Variants in ANKRD10 observed in about 807,000 individuals in gnomAD.
ANKRD10 encodes ankyrin repeat domain 10, also known as ankyrin repeat domain-containing protein 10.
ANKRD10 carries 14 observed loss-of-function variants against 27.0 expected under a neutral mutation model. The ratio of observed to expected loss-of-function variants is 0.52; its 90% CI spans 0.34 to 0.81. The LOEUF (loss-of-function observed/expected upper bound fraction) is 0.81, where lower values mean the gene tolerates loss of function less well. Among genes scored for constraint, ANKRD10 ranks in the 40% least tolerant of loss-of-function variants. The pLI, the probability that ANKRD10 is intolerant of heterozygous loss-of-function variation, is 0.01. For synonymous variants in ANKRD10, 250 were observed against 224.5 expected (o/e 1.11, Z -1.01); for missense variants, 493 against 544.0 (o/e 0.91, Z 0.93).
At chr13:110,888,053 C>T (rs1266627939) in intron 4 of ANKRD10, among the ~76,000 whole-genome samples, 1 of 152,110 alleles carries the variant, frequency 6.6e-6, no homozygotes, top group Non-Finnish European at 1.5e-5. Flanking sequence ...ATGAGGTGAC[C>T]TTTCGCGGGA....
chr13:110,879,108 C>G lies in ANKRD10; in HGVS notation c.*529G>C, dbSNP rs528392487. The G allele has an allele frequency of 2.5e-5, 4 of 160,772 alleles. No individual in the cohort carries two copies. Among genetic ancestry groups the G allele is most frequent in the Non-Finnish European group, 5.5e-5 (4 of 72,130 alleles). 10.0% of individuals were successfully genotyped at this position (160,772 alleles called of 1,614,324 possible). A position where few individuals can be genotyped will look rare whatever the true frequency, so the allele number is the denominator to read the frequency against. On this transcript the variant is annotated 3_prime_UTR_variant, in exon 6 of 6. Coordinates refer to ENST00000267339, the MANE Select transcript of ANKRD10 (RefSeq NM_017664.4). ...CTAAAACCTTCAACCACATGGTGATCTGCAAAGCTTCATTGAAAAAGACAA... is the reference window on the plus strand; with the variant it reads ...CTAAAACCTTCAACCACATGGTGATGTGCAAAGCTTCATTGAAAAAGACAA...
Position 110,914,807 on chromosome 13 carries a change from T to G in ANKRD10, c.128A>C (p.Gln43Pro), listed in dbSNP as rs1158682787. The G allele has an allele frequency of 6.3e-7, 1 of 1,593,490 alleles. No individual in the cohort carries two copies. Among genetic ancestry groups the G allele is most frequent in the Non-Finnish European group, 8.5e-7 (1 of 1,170,750 alleles). Residue 43 changes from glutamine (Q) to proline (P), a missense_variant, in exon 1 of 6, where the codon CAG becomes CCG. By Grantham distance (76) the Gln-to-Pro change is moderately conservative. Coordinates refer to ENST00000267339, the MANE Select transcript of ANKRD10 (RefSeq NM_017664.4). ...GDLATLCSLL[Q>P]QTPHAHLASE... ...GGCCAGGTGGGCGTGGGGTGTCTGCTGCAGCAGCGAGCAGAGCGTGGCCAG... is the reference window on the plus strand; with the variant it reads ...GGCCAGGTGGGCGTGGGGTGTCTGCGGCAGCAGCGAGCAGAGCGTGGCCAG...
intron 3 of ANKRD10, chr13:110,894,153 G>A (rs1308783723): frequency 6.2e-7 from 1 of 1,612,272 alleles, no homozygotes; most frequent in Non-Finnish European, 8.5e-7. Context: ...GTAACTCCAT[G>A]TTGAAGTTCC....
intron 1 of ANKRD10, 64 bp from the exon 2 acceptor site, chr13:110,910,834 G>T: frequency 6.9e-7 from 1 of 1,459,016 alleles, no homozygotes; most frequent in Non-Finnish European, 9.2e-7. Flanking sequence ...AATATTACAT[G>T]AATAATCGAA....
At chr13:110,906,150 C>T (rs1475727211) in intron 2 of ANKRD10, 26 bp from the exon 3 acceptor site, 3 of 1,546,542 alleles carry the variant, frequency 1.9e-6, no homozygotes, top group Non-Finnish European at 2.6e-6. Context: ...GCAAAATATA[C>T]ACATACTTAG....
intron 3 of ANKRD10, among the ~76,000 whole-genome samples, chr13:110,903,803 G>A (rs527499912): frequency 2.0e-5 from 3 of 152,246 alleles, no homozygotes; most frequent in African/African-American, 7.2e-5. Flanking sequence ...AATATGAAGA[G>A]TTAATAATCT....
chr13:110,894,034 C>T (rs2065152608), intron 3 of ANKRD10: 1 of 1,122,550 alleles, frequency 8.9e-7, no homozygotes, highest in African/African-American at 1.5e-5. Flanking sequence ...GTAGCTAAAA[C>T]TCAGATTCAA....
chr13:110,885,852 T>C (rs764909861), intron 4 of ANKRD10, among the ~76,000 whole-genome samples: 2 of 152,202 alleles, frequency 1.3e-5, no homozygotes, highest in Non-Finnish European at 2.9e-5. Flanking sequence ...CCGGATAAAG[T>C]GGCAACTAGG....
intron 4 of ANKRD10, chr13:110,892,649 G>T: frequency 1.2e-6 from 1 of 840,334 alleles, no homozygotes. Context: ...ATTTTTATAA[G>T]CCCAGGAACA....
intron 3 of ANKRD10, chr13:110,898,938 G>A: frequency 6.6e-6 from 1 of 152,098 alleles, no homozygotes; most frequent in Non-Finnish European, 1.5e-5. Flanking sequence ...TGTATTTTTA[G>A]TAGAGACGGG....
At position 110,914,325 on chromosome 13, in the gene ANKRD10, CTCTGCGAAA is replaced by C. The variant is rs537877737; in HGVS notation, c.210+391_210+399del. 6.6e-5 allele frequency among the ~76,000 whole-genome samples: 10 copies of C among 152,320 alleles called. No homozygotes were observed. In the East Asian group the frequency reaches 1.9e-3, roughly 29 times the overall value. On this transcript the variant is annotated intron_variant, in intron 1 of 5. Coordinates refer to ENST00000267339, the MANE Select transcript of ANKRD10 (RefSeq NM_017664.4). ...GGCGACTTCGCGGCCTAATACCCGGCTCTGCGAAATCGCTCGCGCCTCCGGCCCGGCCTG... is the reference window on the plus strand; with the variant it reads ...GGCGACTTCGCGGCCTAATACCCGGCTCGCTCGCGCCTCCGGCCCGGCCTG...
At chr13:110,901,470 G>A (rs2065378050) in intron 3 of ANKRD10, among the ~76,000 whole-genome samples, 1 of 152,202 alleles carries the variant, frequency 6.6e-6, no homozygotes, top group Non-Finnish European at 1.5e-5. Flanking sequence ...TAGCAAGGGA[G>A]AAAGACATTT....
intron 3 of ANKRD10, among the ~76,000 whole-genome samples, chr13:110,897,960 T>G (rs1247128713): frequency 6.6e-6 from 1 of 152,256 alleles, no homozygotes. Context: ...ATTCCTCTAC[T>G]CTTAATAATG....
At chr13:110,898,750 C>CTTTTTT (rs56176208) in intron 3 of ANKRD10, among the ~76,000 whole-genome samples, 98 of 106,532 alleles carry the variant, frequency 9.2e-4, no homozygotes, top group Non-Finnish European at 1.4e-3. Flanking sequence ...TTTTTCTTTT[C>CTTTTTT]TTTTTTTTTT....
At position 110,879,910 on chromosome 13, in the gene ANKRD10, C is replaced by G. The variant is rs888561160; in HGVS notation, c.990G>C (p.Gly330=). ...TCAGGGTCTTCTCTGGCTCCTCAGT[C>G]CCACTAATGCAGAGAGAACCCTGGC... is the stretch of plus-strand genomic sequence containing the variant. ...PSSQGSLCIS[G]TEEPEKTLRA... is the part of the protein sequence containing the mutation. The change falls in exon 6 of 6, where the codon GGG becomes GGC. Residue 330 remains glycine, a synonymous_variant. Transcript: ENST00000267339. The G allele has an allele frequency of 2.5e-6, 4 of 1,614,102 alleles. No individual in the cohort carries two copies. Among genetic ancestry groups the G allele is most frequent in the Non-Finnish European group, 3.4e-6 (4 of 1,180,054 alleles).
intron 4 of ANKRD10, among the ~76,000 whole-genome samples, chr13:110,885,450 A>G (rs897334216): frequency 1.3e-5 from 2 of 152,170 alleles, no homozygotes; most frequent in Admixed American, 1.3e-4. Context: ...GGGGAGGCTG[A>G]GGCAGGAGAA....
At chr13:110,909,855 AG>A (rs1196552738) in intron 2 of ANKRD10, among the ~76,000 whole-genome samples, 1 of 152,232 alleles carries the variant, frequency 6.6e-6, no homozygotes, top group Non-Finnish European at 1.5e-5. Flanking sequence ...ATTTAAAGAT[AG>A]GAGTAAAAAA....
intron 4 of ANKRD10, among the ~76,000 whole-genome samples, chr13:110,886,128 G>A (rs985669214): frequency 6.6e-6 from 1 of 152,254 alleles, no homozygotes; most frequent in Admixed American, 6.5e-5. Context: ...GAGGTGCAGG[G>A]ACATGCACCC....
At chr13:110,898,759 T>G (rs1408574161) in intron 3 of ANKRD10, among the ~76,000 whole-genome samples, 1 of 145,026 alleles carries the variant, frequency 6.9e-6, no homozygotes, top group African/African-American at 2.5e-5. Flanking sequence ...TCTTTTTTTT[T>G]TTTTTTTTTT....
Sources: allele counts gnomAD v4.1 joint callset (sites outside exome capture counted in the v4.1 genomes callset), GRCh38; gene constraint gnomAD v4.1.1; transcripts MANE v1.5; gene names NCBI Gene and HGNC (gene_info 2026-07-23, HGNC 2026-07-21).